Variants in NXPE4 observed in about 807,000 individuals in gnomAD.
NXPE4 encodes the protein neurexophilin and PC-esterase domain family member 4.
NXPE4 carries 42 observed loss-of-function variants against 33.3 expected under a neutral mutation model. That is an observed-to-expected ratio of 1.26 (90% CI 0.98 to 1.63). The LOEUF (loss-of-function observed/expected upper bound fraction) is 1.63. Among genes scored for constraint, NXPE4 ranks in the 40% most tolerant of loss-of-function variants. NXPE4 has a pLI of 0.00. For missense variants in NXPE4, 709 were observed against 647.6 expected (o/e 1.09, Z -1.03); for synonymous variants, 253 against 234.9 (o/e 1.08, Z -0.71).
the NXPE4 span, among the ~76,000 whole-genome samples, chr11:114,631,224 A>G: frequency 7.9e-5 from 12 of 152,038 alleles, no homozygotes; most frequent in South Asian, 2.1e-3. Flanking sequence ...ACATGCACAC[A>G]TATGTTTATT....
chr11:114,639,786 A>T, the NXPE4 span, among the ~76,000 whole-genome samples: 1,275 of 125,534 alleles, frequency 0.01, 24 homozygotes, highest in African/African-American at 0.038. Context: ...ATAAAATATA[A>T]TATATATTAT....
chr11:114,642,540 T>C, the NXPE4 span, among the ~76,000 whole-genome samples: 303 of 152,166 alleles, frequency 2.0e-3, 3 homozygotes, highest in Middle Eastern at 0.027. Flanking sequence ...TTGTGTTAGT[T>C]TGCTGAGAAT....
chr11:114,657,548 G>T, the NXPE4 span, among the ~76,000 whole-genome samples: 2 of 151,728 alleles, frequency 1.3e-5, no homozygotes, highest in East Asian at 3.9e-4. Context: ...TAGCAATTAG[G>T]CCCACACTAG....
chr11:114,669,805 A>T, the NXPE4 span, among the ~76,000 whole-genome samples: 1 of 152,100 alleles, frequency 6.6e-6, no homozygotes, highest in Non-Finnish European at 1.5e-5. Context: ...TCTTCCAAAG[A>T]TAATGGAGAT....
chr11:114,647,006 G>A, the NXPE4 span, among the ~76,000 whole-genome samples: 8 of 152,136 alleles, frequency 5.3e-5, no homozygotes, highest in Non-Finnish European at 7.4e-5. Flanking sequence ...AGACACTGAC[G>A]GCACACCTTC....
the NXPE4 span, among the ~76,000 whole-genome samples, chr11:114,641,965 G>A: frequency 6.6e-6 from 1 of 151,930 alleles, no homozygotes. Context: ...TATTTTTGTG[G>A]TATATAACAA....
chr11:114,654,407 T>C, the NXPE4 span, among the ~76,000 whole-genome samples: 3 of 152,110 alleles, frequency 2.0e-5, no homozygotes, highest in Admixed American at 1.3e-4. Context: ...GTTTGTTACA[T>C]AGGTATATGT....
At chr11:114,577,797 C>T (rs1231376763) in intron 5 of NXPE4, among the ~76,000 whole-genome samples, 2 of 152,206 alleles carry the variant, frequency 1.3e-5, no homozygotes, top group East Asian at 3.9e-4. Flanking sequence ...ACCCTATTTC[C>T]CCAGCCACTC....
At chr11:114,601,891 T>A in the NXPE4 span, among the ~76,000 whole-genome samples, 16 of 57,850 alleles carry the variant, frequency 2.8e-4, no homozygotes, top group South Asian at 2.2e-3. Flanking sequence ...TAATTATATA[T>A]TATATTTATA....
At chr11:114,610,271 G>A in the NXPE4 span, among the ~76,000 whole-genome samples, 2 of 151,482 alleles carry the variant, frequency 1.3e-5, no homozygotes, top group Non-Finnish European at 2.9e-5. Flanking sequence ...AATAGGTGTT[G>A]CCTACCCGGT....
At chr11:114,601,485 ATATT>A in the NXPE4 span, among the ~76,000 whole-genome samples, 1 of 118,716 alleles carries the variant, frequency 8.4e-6, no homozygotes, top group South Asian at 2.2e-4. Flanking sequence ...TATAAATTAA[ATATT>A]TATTATATAG....
chr11:114,633,110 T>G, the NXPE4 span, among the ~76,000 whole-genome samples: 10 of 122,314 alleles, frequency 8.2e-5, no homozygotes, highest in South Asian at 4.7e-4. Flanking sequence ...TATTTTACAT[T>G]ATATTTTATA....
chr11:114,663,670 CT>C, the NXPE4 span, among the ~76,000 whole-genome samples: 6 of 113,732 alleles, frequency 5.3e-5, no homozygotes, highest in Non-Finnish European at 9.3e-5. Context: ...TATCTATCAT[CT>C]ATCTATTTAT....
chr11:114,588,903 G>GA (rs1949374371), intron 2 of NXPE4, among the ~76,000 whole-genome samples: 1 of 152,152 alleles, frequency 6.6e-6, no homozygotes, highest in African/African-American at 2.4e-5. Context: ...GGAAACTACA[G>GA]AAGTAGGCTA....
chr11:114,633,507 C>A, the NXPE4 span, among the ~76,000 whole-genome samples: 7 of 150,524 alleles, frequency 4.7e-5, no homozygotes, highest in Non-Finnish European at 1.0e-4. Flanking sequence ...TACATGTGCA[C>A]AATGTGCAGG....
At chr11:114,633,021 A>G in the NXPE4 span, among the ~76,000 whole-genome samples, 1 of 109,792 alleles carries the variant, frequency 9.1e-6, no homozygotes, top group Admixed American at 1.3e-4. Context: ...TATATAATAT[A>G]TAATGTAATA....
intron 2 of NXPE4, among the ~76,000 whole-genome samples, chr11:114,592,319 AG>A (rs1949475190): frequency 6.6e-6 from 1 of 152,194 alleles, no homozygotes; most frequent in Non-Finnish European, 1.5e-5. Context: ...TTAAAAACTC[AG>A]TAAAGTTGCA....
At chr11:114,660,695 G>GA in the NXPE4 span, among the ~76,000 whole-genome samples, 3 of 151,820 alleles carry the variant, frequency 2.0e-5, no homozygotes, top group African/African-American at 7.3e-5. Context: ...CCAAGATAAG[G>GA]AAAAAAATCA....
At chr11:114,633,023 A>C in the NXPE4 span, among the ~76,000 whole-genome samples, 3 of 109,050 alleles carry the variant, frequency 2.8e-5, no homozygotes, top group East Asian at 2.4e-4. Flanking sequence ...TATAATATAT[A>C]ATGTAATATT....
Sources: gnomAD v4.1 joint callset for allele counts (sites outside exome capture counted in the v4.1 genomes callset) on GRCh38, gnomAD v4.1.1 for gene constraint, MANE v1.5 for transcripts, NCBI Gene and HGNC (gene_info 2026-07-23, HGNC 2026-07-21) for gene names.